The following ITPRID1 variants were observed in gnomAD, a reference collection of about 807,000 sequenced individuals.
The protein encoded by ITPRID1 is protein ITPRID1.
In ITPRID1, 96 loss-of-function variants were observed where a neutral mutation model predicts 95.4. The observed-to-expected ratio is 1.01, with a 90% CI of 0.85 to 1.19. The LOEUF is 1.19. Ranked by LOEUF, ITPRID1 falls within the 50% of genes most tolerant of loss-of-function variation. ITPRID1 has a pLI of 0.00. For synonymous variants in ITPRID1, 510 were observed against 453.6 expected, an observed-to-expected ratio of 1.12 and a Z score of -1.58; for missense variants, 1,339 against 1,252.9, an observed-to-expected ratio of 1.07 and a Z score of -1.04.
At chr7:31,598,799 G>A (rs1241543388) in intron 10 of ITPRID1, among the ~76,000 whole-genome samples, 6 of 151,888 alleles carry the variant, frequency 4.0e-5, no homozygotes, top group Non-Finnish European at 7.4e-5. Flanking sequence ...AAAAACTGAC[G>A]AATAAACAAG....
At chr7:31,525,520 G>C (rs1042015538) in intron 1 of ITPRID1, among the ~76,000 whole-genome samples, 10 of 152,170 alleles carry the variant, frequency 6.6e-5, no homozygotes, top group Admixed American at 6.5e-4. Flanking sequence ...AAATGTTCTG[G>C]AACAGGCATA....
At chr7:31,627,332 A>G (rs1788556654) in intron 10 of ITPRID1, among the ~76,000 whole-genome samples, 1 of 152,206 alleles carries the variant, frequency 6.6e-6, no homozygotes. Flanking sequence ...AAAGAGTGAC[A>G]TCATGGAAGA....
chr7:31,637,186 G>T (rs38383), intron 10 of ITPRID1, among the ~76,000 whole-genome samples: 2 of 151,618 alleles, frequency 1.3e-5, no homozygotes, highest in Non-Finnish European at 2.9e-5. Context: ...GAATAGTGCC[G>T]CAATAAACAT....
In ITPRID1 at chr7:31,555,261, C is replaced by T. The variant is rs376992570; in HGVS notation, c.256+360C>T. ...TTTTATTTCTGAATCTAGATTTTTT[C>T]TATTCTTTGGTCTCAAAATTGCACT... On this transcript the variant is annotated intron_variant, in intron 5 of 14. Transcript: ENST00000615280. The T allele has an allele frequency of 4.1e-3, 673 of 164,968 alleles. 1 individual carries two copies. The highest frequency in any genetic ancestry group is 6.3e-3 in the Non-Finnish European group (481 of 76,354). The allele number at this position is 164,968 out of a possible 1,614,324, so 10.2% of individuals were successfully genotyped here.
Position 31,578,230 on chromosome 7 carries a change from T to G in ITPRID1, c.966T>G (p.Asp322Glu). The change falls in exon 9 of 15, where the codon GAT becomes GAG. Residue 322 changes from aspartate (D) to glutamate (E), a missense_variant. Asp to Glu is a conservative substitution (Grantham distance 45). Coordinates refer to ENST00000615280, the MANE Select transcript of ITPRID1 (RefSeq NM_001257967.3). ...AACATCAGTCTCTCCAAGCCTGTGA[T>G]GATTTGCTACCTTATCCTCCTCATG... ...SVEHQSLQAC[D>E]DLLPYPPHGL... The G allele has an allele frequency of 6.2e-7, 1 of 1,613,792 alleles. No individual in the cohort carries two copies. Among genetic ancestry groups the G allele is most frequent in the Non-Finnish European group, 8.5e-7 (1 of 1,179,780 alleles).
At chr7:31,641,084 C>T (rs185102258) in intron 10 of ITPRID1, among the ~76,000 whole-genome samples, 19 of 152,198 alleles carry the variant, frequency 1.2e-4, no homozygotes, top group African/African-American at 3.1e-4. Context: ...ACACATGGAC[C>T]GTTAAGGCTC....
At chr7:31,540,171 G>C (rs1219522758) in intron 1 of ITPRID1, among the ~76,000 whole-genome samples, 1 of 152,148 alleles carries the variant, frequency 6.6e-6, no homozygotes, top group Non-Finnish European at 1.5e-5. Flanking sequence ...ATTGACTGTA[G>C]GAGTAACACC....
intron 5 of ITPRID1, among the ~76,000 whole-genome samples, chr7:31,557,081 A>C (rs1445257473): frequency 2.6e-5 from 4 of 151,944 alleles, no homozygotes; most frequent in Admixed American, 2.6e-4. Flanking sequence ...TTATAAAGAC[A>C]CCAGTCATTG....
intron 8 of ITPRID1, among the ~76,000 whole-genome samples, 153 bp downstream of exon 8, chr7:31,574,895 A>G (rs192605237): frequency 4.6e-5 from 7 of 152,268 alleles, no homozygotes; most frequent in Admixed American, 3.3e-4. Context: ...GTCATCCTAT[A>G]TGTCCAGTGG....
intron 12 of ITPRID1, among the ~76,000 whole-genome samples, chr7:31,649,253 C>G (rs1019005068): frequency 4.6e-5 from 7 of 152,158 alleles, no homozygotes; most frequent in Admixed American, 1.3e-4. Context: ...GTAAAAATAG[C>G]CATCCGGCTG....
At chr7:31,658,327 T>C, downstream of ITPRID1, 1 of 1,523,264 alleles carries the variant, frequency 6.6e-7, no homozygotes. Context: ...AGCAAATAAC[T>C]CTGCTAAAGA....
At chr7:31,515,942 T>A (rs772743603) in intron 1 of ITPRID1, among the ~76,000 whole-genome samples, 1 of 152,180 alleles carries the variant, frequency 6.6e-6, no homozygotes, top group Non-Finnish European at 1.5e-5. Context: ...ATAAAAGTAC[T>A]GTGTTAGGAG....
chr7:31,642,832 C>A lies in ITPRID1; in HGVS notation c.1462C>A (p.Gln488Lys), dbSNP rs1429733627. 4 of 1,613,704 alleles carry A rather than the reference C, an allele frequency of 2.5e-6. No homozygotes were observed. Among genetic ancestry groups the A allele is most frequent in the Non-Finnish European group, 2.5e-6 (3 of 1,179,818 alleles). Residue 488 changes from glutamine to lysine, a missense_variant, in exon 12 of 15, where the codon CAA becomes AAA. Transcript: ENST00000615280. ...KSRASMSFSS[Q>K]EANALEQRAS... ...TAGGGCGAGCATGTCTTTTTCAAGC[C>A]AAGAAGCGAATGCCTTGGAACAAAG... is the stretch of plus-strand genomic sequence containing the variant.
At chr7:31,554,963 C>T (rs1315259415) in intron 5 of ITPRID1, 62 bp downstream of exon 5, 19 of 1,188,644 alleles carry the variant, frequency 1.6e-5, no homozygotes, top group Middle Eastern at 1.9e-4. Flanking sequence ...CAAATATCTA[C>T]GTGAATAAAT....
intron 10 of ITPRID1, among the ~76,000 whole-genome samples, chr7:31,623,747 CAT>C (rs1788160341): frequency 6.7e-6 from 1 of 149,526 alleles, no homozygotes; most frequent in Non-Finnish European, 1.5e-5. Context: ...GCCTATTCAA[CAT>C]AGTGTTGGAA....
At chr7:31,642,136 T>C (rs537499693) in intron 10 of ITPRID1, 40 bp from the exon 11 acceptor site, 2 of 1,469,254 alleles carry the variant, frequency 1.4e-6, no homozygotes, top group East Asian at 5.0e-5. Flanking sequence ...TGGCTGCGTG[T>C]TTTCCCTTTA....
chr7:31,629,163 A>T (rs1379596693), intron 10 of ITPRID1, among the ~76,000 whole-genome samples: 2 of 152,132 alleles, frequency 1.3e-5, no homozygotes, highest in African/African-American at 4.8e-5. Context: ...TTGTCATTGC[A>T]CTCTTCCAGG....
intron 6 of ITPRID1, among the ~76,000 whole-genome samples, chr7:31,571,691 C>A (rs1462808673): frequency 6.6e-6 from 1 of 152,172 alleles, no homozygotes; most frequent in African/African-American, 2.4e-5. Context: ...ATATGAAATC[C>A]TTCACTAGTA....
chr7:31,646,306 C>A (rs776851111), intron 12 of ITPRID1, among the ~76,000 whole-genome samples: 1 of 152,078 alleles, frequency 6.6e-6, no homozygotes, highest in African/African-American at 2.4e-5. Context: ...GTTTGAGAGT[C>A]TGTGAGGTAC....
Sources: gnomAD v4.1 joint callset for allele counts (sites outside exome capture counted in the v4.1 genomes callset) on GRCh38, gnomAD v4.1.1 for gene constraint, MANE v1.5 for transcripts, NCBI Gene and HGNC (gene_info 2026-07-23, HGNC 2026-07-21) for gene names.